Variants in FBXL5 observed in about 807,000 individuals in gnomAD.
The protein encoded by FBXL5 is F-box and leucine rich repeat protein 5.
In FBXL5, 26 loss-of-function variants were observed where a neutral mutation model predicts 78.3. That is an observed-to-expected ratio of 0.33 (90% CI 0.24 to 0.46). The LOEUF (loss-of-function observed/expected upper bound fraction) is 0.46. Ranked by LOEUF, FBXL5 falls within the 20% of genes least tolerant of loss-of-function variation. The pLI, the probability that FBXL5 is intolerant of heterozygous loss-of-function variation, is 1.00. For missense variants in FBXL5, 710 were observed against 829.2 expected, an observed-to-expected ratio of 0.86 and a Z score of 1.77; for synonymous variants, 295 against 282.5, an observed-to-expected ratio of 1.04 and a Z score of -0.45.
At chr4:15,645,328 T>C (rs144615375) in intron 1 of FBXL5, among the ~76,000 whole-genome samples, 73 of 152,310 alleles carry the variant, frequency 4.8e-4, no homozygotes, top group Non-Finnish European at 1.0e-3. Context: ...GGATTATGCA[T>C]TTTAAGAGTC....
intron 9 of FBXL5, among the ~76,000 whole-genome samples, chr4:15,624,120 G>A (rs28447067): frequency 0.24 from 36,831 of 151,848 alleles, 4,711 homozygotes; most frequent in African/African-American, 0.28. Context: ...CACCGCACCC[G>A]GCCTGTAATA....
intron 9 of FBXL5, among the ~76,000 whole-genome samples, chr4:15,614,810 G>A (rs1332557171): frequency 1.3e-5 from 2 of 152,138 alleles, no homozygotes; most frequent in Non-Finnish European, 2.9e-5. Context: ...CCCCACTTTG[G>A]CGGCATTTGA....
intron 6 of FBXL5, among the ~76,000 whole-genome samples, chr4:15,628,562 T>G (rs143663548): frequency 3.9e-5 from 6 of 152,266 alleles, no homozygotes; most frequent in African/African-American, 1.4e-4. Context: ...TTGTATTGTA[T>G]TACCTTTCTC....
chr4:15,638,759 T>C, intron 3 of FBXL5, 65 bp from the exon 4 acceptor site: 1 of 1,006,668 alleles, frequency 9.9e-7, no homozygotes, highest in Non-Finnish European at 1.4e-6. Context: ...CTAAACCCTT[T>C]TAAATTATTA....
At chr4:15,659,210 G>A (rs1200018314), upstream of FBXL5, among the ~76,000 whole-genome samples, 1 of 152,118 alleles carries the variant, frequency 6.6e-6, no homozygotes, top group Non-Finnish European at 1.5e-5. Context: ...TACATTCCCT[G>A]AACAAGTAGT....
chr4:15,651,235 T>C (rs1293395579), intron 1 of FBXL5, among the ~76,000 whole-genome samples: 1 of 152,106 alleles, frequency 6.6e-6, no homozygotes, highest in Admixed American at 6.5e-5. Flanking sequence ...CTGTTTTGCA[T>C]AAAATCATAG....
Position 15,604,529 on chromosome 4 carries a change from AT to A in FBXL5, c.*1193del, listed in dbSNP as rs11338780. The A allele has an allele frequency of 0.28, 42,405 of 150,230 alleles. 6,128 individuals carry two copies. Among genetic ancestry groups the A allele is most frequent in the East Asian group, 0.47 (2,429 of 5,166 alleles). The allele number at this position is 150,230 out of a possible 1,614,324, so 9.3% of individuals were successfully genotyped here. On this transcript the variant is annotated 3_prime_UTR_variant, in exon 11 of 11. Coordinates refer to ENST00000341285, the MANE Select transcript of FBXL5 (RefSeq NM_012161.4). ...GAAATACTCCAAGAATTATCACAAT[AT>A]ACGAGACATGAAAGGAGAAGTTTTA...
upstream of FBXL5, among the ~76,000 whole-genome samples, chr4:15,656,068 C>T (rs563673871): frequency 2.0e-5 from 3 of 152,308 alleles, no homozygotes; most frequent in Middle Eastern, 3.4e-3. Context: ...GATCCAGGTG[C>T]GGAAATGCAC....
At chr4:15,640,188 A>T (rs1714705256) in intron 3 of FBXL5, among the ~76,000 whole-genome samples, 1 of 152,058 alleles carries the variant, frequency 6.6e-6, no homozygotes, top group Non-Finnish European at 1.5e-5. Flanking sequence ...TGACAGGCAC[A>T]TGCCACCATG....
chr4:15,679,565 A>C (rs71601489), intron 1 of FBXL5, among the ~76,000 whole-genome samples: 51 of 115,016 alleles, frequency 4.4e-4, no homozygotes, highest in African/African-American at 9.1e-4. Context: ...TCAGGAACAA[A>C]AAAAAAAAAA....
chr4:15,628,517 A>C (rs185546970), intron 6 of FBXL5, among the ~76,000 whole-genome samples: 29 of 152,300 alleles, frequency 1.9e-4, no homozygotes, highest in African/African-American at 7.0e-4. Flanking sequence ...ATTCGAAAAA[A>C]GGAAAAAACA....
intron 6 of FBXL5, 23 bp downstream of exon 6, chr4:15,630,643 A>G: frequency 1.3e-6 from 2 of 1,535,930 alleles, no homozygotes; most frequent in South Asian, 1.3e-5. Context: ...CTATGTAATA[A>G]TTTTAATTCC....
At chr4:15,629,670 T>G (rs1387062079) in intron 6 of FBXL5, among the ~76,000 whole-genome samples, 1 of 152,136 alleles carries the variant, frequency 6.6e-6, no homozygotes, top group African/African-American at 2.4e-5. Flanking sequence ...TCACCAAATC[T>G]ATCAAACTAG....
At chr4:15,621,199 T>C (rs1241210331) in intron 9 of FBXL5, among the ~76,000 whole-genome samples, 1 of 152,164 alleles carries the variant, frequency 6.6e-6, no homozygotes, top group Non-Finnish European at 1.5e-5. Context: ...CACGACCTTA[T>C]ATGTAGAAAA....
chr4:15,680,616 C>G (rs12650632), intron 1 of FBXL5, among the ~76,000 whole-genome samples: 11,026 of 152,010 alleles, frequency 0.073, 492 homozygotes, highest in Non-Finnish European at 0.094. Flanking sequence ...GCTGAGGTTG[C>G]AGTGAGCCGA....
At chr4:15,637,066 A>G (rs1714357279) in intron 4 of FBXL5, among the ~76,000 whole-genome samples, 1 of 152,234 alleles carries the variant, frequency 6.6e-6, no homozygotes, top group Admixed American at 6.5e-5. Context: ...GAGATCTCCA[A>G]GGCATTTTTA....
At position 15,655,336 on chromosome 4, in the gene FBXL5, A is replaced by C; in HGVS notation, c.-49T>G. The C allele has an allele frequency of 1.5e-6, 2 of 1,316,278 alleles. No individual in the cohort carries two copies. The highest frequency in any genetic ancestry group is 2.0e-6 in the Non-Finnish European group (2 of 1,002,418). 81.5% of individuals were successfully genotyped at this position (1,316,278 alleles called of 1,614,324 possible). ...CAGCAGCCGCGGCCGCCGCCTCTCC[A>C]TAGACACCCTCGCCGCGGGGCAGAG... is the stretch of plus-strand genomic sequence containing the variant. On this transcript the variant is annotated 5_prime_UTR_variant, in exon 1 of 11. An upstream start codon of the reference 5' UTR is lost. Transcript: ENST00000341285.
intron 9 of FBXL5, among the ~76,000 whole-genome samples, chr4:15,621,349 T>C (rs938549831): frequency 6.6e-6 from 1 of 152,190 alleles, no homozygotes; most frequent in Non-Finnish European, 1.5e-5. Flanking sequence ...TAAAATTGTA[T>C]TTACAATAGC....
chr4:15,628,071 C>G (rs2148586585), intron 6 of FBXL5, 38 bp from the exon 7 acceptor site: 1 of 1,591,944 alleles, frequency 6.3e-7, no homozygotes, highest in East Asian at 2.2e-5. Context: ...ACTTGATAAA[C>G]TGATAATAAT....
Sources: gnomAD v4.1 joint callset for allele counts (sites outside exome capture counted in the v4.1 genomes callset) on GRCh38, gnomAD v4.1.1 for gene constraint, MANE v1.5 for transcripts, NCBI Gene and HGNC (gene_info 2026-07-23, HGNC 2026-07-21) for gene names.